COL24A1: variants seen among roughly 807,000 people sequenced by gnomAD.
The protein encoded by COL24A1 is collagen type XXIV alpha 1 chain.
COL24A1 carries 224 observed loss-of-function variants against 253.9 expected under a neutral mutation model. The ratio of observed to expected loss-of-function variants is 0.88; its 90% CI spans 0.79 to 0.99. The LOEUF is 0.99. Among genes scored for constraint, COL24A1 ranks in the 50% least tolerant of loss-of-function variants. COL24A1 has a pLI of 0.00. For missense variants in COL24A1, 2,131 were observed against 2,068.5 expected (o/e 1.03, Z -0.59); for synonymous variants, 685 against 673.7 (o/e 1.02, Z -0.26).
intron 43 of COL24A1, among the ~76,000 whole-genome samples, chr1:85,826,376 T>C (rs1330128377): frequency 0.012 from 1,650 of 141,692 alleles, 32 homozygotes; most frequent in African/African-American, 0.04. Context: ...CCAGCTTTGT[T>C]CTTTTGGCTT....
At chr1:85,897,238 C>T (rs1237847437) in intron 28 of COL24A1, among the ~76,000 whole-genome samples, 1 of 152,004 alleles carries the variant, frequency 6.6e-6, no homozygotes, top group Non-Finnish European at 1.5e-5. Flanking sequence ...ACAACACACA[C>T]TGGGGCCTGT....
chr1:86,007,237 C>CCA (rs1558984881), intron 19 of COL24A1, among the ~76,000 whole-genome samples: 3 of 151,204 alleles, frequency 2.0e-5, no homozygotes, highest in African/African-American at 4.9e-5. Flanking sequence ...AACAAACAAA[C>CCA]CCACCACCAC....
chr1:86,021,858 A>T (rs566920153), intron 18 of COL24A1, among the ~76,000 whole-genome samples: 1 of 152,310 alleles, frequency 6.6e-6, no homozygotes, highest in African/African-American at 2.4e-5. Context: ...GAGTGCAAAC[A>T]TGCTACCTTT....
chr1:85,934,630 G>T (rs547560354), intron 24 of COL24A1, among the ~76,000 whole-genome samples: 1 of 152,140 alleles, frequency 6.6e-6, no homozygotes, highest in Non-Finnish European at 1.5e-5. Flanking sequence ...GCCAGAAGAT[G>T]AACTACTATA....
At chr1:85,916,101 T>C (rs1472179105) in intron 24 of COL24A1, among the ~76,000 whole-genome samples, 3 of 152,208 alleles carry the variant, frequency 2.0e-5, no homozygotes, top group Admixed American at 1.3e-4. Context: ...AAATACTTTA[T>C]ATATAAAGAT....
intron 46 of COL24A1, 72 bp downstream of exon 46, chr1:85,817,962 A>T: frequency 1.5e-6 from 2 of 1,317,316 alleles, no homozygotes; most frequent in South Asian, 1.2e-5. Flanking sequence ...ATTGGCCCCA[A>T]ACTTTTCTGC....
chr1:85,911,549 C>T, intron 24 of COL24A1, 116 bp from the exon 25 acceptor site: 6 of 866,770 alleles, frequency 6.9e-6, no homozygotes, highest in Non-Finnish European at 1.1e-5. Flanking sequence ...TAAATGTTAT[C>T]TTGGAGTAAA....
At chr1:85,874,732 T>G (rs562768736) in intron 34 of COL24A1, 30 bp from the exon 35 acceptor site, 3 of 1,609,236 alleles carry the variant, frequency 1.9e-6, no homozygotes, top group Non-Finnish European at 2.5e-6. Context: ...GATTAAACTC[T>G]TTTCTACTAA....
chr1:86,144,693 A>G (rs2102408824), intron 2 of COL24A1, among the ~76,000 whole-genome samples: 1 of 152,016 alleles, frequency 6.6e-6, no homozygotes, highest in Admixed American at 6.6e-5. Flanking sequence ...TAGACTTTGC[A>G]GTCAAAATAT....
chr1:86,035,460 A>C lies in COL24A1; in HGVS notation c.1951-1537T>G, dbSNP rs77015910. ...GTAGGTTTTCCAGAAACCCCAGTGA[A>C]ATAATAAAGTGTAGGGGACACACTG... On this transcript the variant is annotated intron_variant, in intron 12 of 59. Transcript: ENST00000370571. Among the ~76,000 whole-genome samples the C allele has an allele frequency of 4.6e-3, 702 of 152,210 alleles. 7 individuals carry two copies. Among genetic ancestry groups the C allele is most frequent in the South Asian group, 5.4e-3 (26 of 4,826 alleles).
chr1:85,904,250 T>G (rs10493776), intron 28 of COL24A1, among the ~76,000 whole-genome samples: 17,739 of 152,160 alleles, frequency 0.12, 1,148 homozygotes, highest in East Asian at 0.23. Flanking sequence ...GAGTGCAAAC[T>G]TAAACATGTC....
At chr1:85,950,897 G>C (rs1393611033) in intron 24 of COL24A1, among the ~76,000 whole-genome samples, 1 of 152,196 alleles carries the variant, frequency 6.6e-6, no homozygotes, top group South Asian at 2.1e-4. Context: ...GTAGAAGCCA[G>C]GTGAGCTGTG....
chr1:85,954,072 T>A (rs1241411257), intron 24 of COL24A1, among the ~76,000 whole-genome samples: 3 of 152,168 alleles, frequency 2.0e-5, no homozygotes, highest in Admixed American at 6.5e-5. Context: ...AATTTATTGT[T>A]TTTACAATTT....
At chr1:86,027,029 T>G (rs566730460) in intron 14 of COL24A1, among the ~76,000 whole-genome samples, 58 of 152,256 alleles carry the variant, frequency 3.8e-4, no homozygotes, top group Middle Eastern at 3.4e-3. Flanking sequence ...TTGAGAGAGA[T>G]GATTTAGGAT....
intron 7 of COL24A1, among the ~76,000 whole-genome samples, chr1:86,071,959 TG>T: frequency 6.6e-6 from 1 of 152,244 alleles, no homozygotes; most frequent in East Asian, 1.9e-4. Flanking sequence ...CTATGCCTTG[TG>T]GGACAGAGCT....
intron 31 of COL24A1, among the ~76,000 whole-genome samples, chr1:85,891,346 G>A (rs750237789): frequency 9.2e-5 from 14 of 151,722 alleles, no homozygotes; most frequent in Non-Finnish European, 1.3e-4. Context: ...TTACAGGCGT[G>A]AGCCTCTGCG....
At chr1:85,870,767 CT>C (rs1189367730) in intron 35 of COL24A1, among the ~76,000 whole-genome samples, 1 of 152,092 alleles carries the variant, frequency 6.6e-6, no homozygotes, top group Non-Finnish European at 1.5e-5. Flanking sequence ...AATTAACACC[CT>C]AACATCACAA....
chr1:85,908,680 T>A, intron 26 of COL24A1, 29 bp from the exon 27 acceptor site: 1 of 1,078,108 alleles, frequency 9.3e-7, no homozygotes, highest in Non-Finnish European at 1.3e-6. Flanking sequence ...ATAAAAGAAG[T>A]AAAATATTCA....
chr1:86,044,622 A>G (rs1258529002), intron 12 of COL24A1, among the ~76,000 whole-genome samples: 2 of 152,332 alleles, frequency 1.3e-5, no homozygotes, highest in East Asian at 1.9e-4. Context: ...CAAGAGCCCC[A>G]TAATCATTTC....
Sources: gnomAD v4.1 joint callset for allele counts (sites outside exome capture counted in the v4.1 genomes callset) on GRCh38, gnomAD v4.1.1 for gene constraint, MANE v1.5 for transcripts, NCBI Gene and HGNC (gene_info 2026-07-23, HGNC 2026-07-21) for gene names.